ZNF385D: variants seen among roughly 807,000 people sequenced by gnomAD.
The protein encoded by ZNF385D is zinc finger protein 659.
Under a neutral mutation model 35.8 loss-of-function variants are expected in ZNF385D, and 15 were observed. The ratio of observed to expected loss-of-function variants is 0.42; its 90% CI spans 0.28 to 0.64. The LOEUF is 0.64. Ranked by LOEUF, ZNF385D falls within the 30% of genes least tolerant of loss-of-function variation. ZNF385D has a pLI of 0.23. For missense variants in ZNF385D, 474 were observed against 494.6 expected, an observed-to-expected ratio of 0.96 and a Z score of 0.39; for synonymous variants, 212 against 186.8, an observed-to-expected ratio of 1.13 and a Z score of -1.10.
chr3:22,283,468 C>T (rs1176239703), intron 2 of ZNF385D, among the ~76,000 whole-genome samples: 2 of 152,080 alleles, frequency 1.3e-5, no homozygotes, highest in African/African-American at 4.8e-5. Flanking sequence ...AGCAGATGTC[C>T]AATCAAGAAT....
intron 3 of ZNF385D, among the ~76,000 whole-genome samples, chr3:22,147,392 T>A (rs971277084): frequency 4.6e-5 from 7 of 152,160 alleles, no homozygotes; most frequent in Non-Finnish European, 1.0e-4. Flanking sequence ...GAATTGGCCA[T>A]AGCCCAAATC....
At chr3:21,490,323 G>T (rs537776952) in intron 4 of ZNF385D, among the ~76,000 whole-genome samples, 1 of 152,006 alleles carries the variant, frequency 6.6e-6, no homozygotes, top group Non-Finnish European at 1.5e-5. Flanking sequence ...GTGTCACCAC[G>T]TCTGGCTCTT....
At chr3:21,905,181 A>G (rs1699610040) in intron 3 of ZNF385D, among the ~76,000 whole-genome samples, 1 of 130,644 alleles carries the variant, frequency 7.7e-6, no homozygotes, top group Non-Finnish European at 1.6e-5. Flanking sequence ...CCAGAGTATC[A>G]TGGTGGTCCA....
Position 22,129,227 on chromosome 3 carries a change from G to A in ZNF385D, c.325+39590C>T, listed in dbSNP as rs992387349. The stretch of plus-strand genomic sequence containing the variant: ...CTCTGCTGAGCTACCTAGAGCTGGA[G>A]GAGTGGTGACACAAGCATTCCCATG... On this transcript the variant is annotated intron_variant, in intron 3 of 5. Coordinates refer to the ZNF385D transcript ENST00000494108. Among the ~76,000 whole-genome samples the A allele has an allele frequency of 4.6e-5, 7 of 152,280 alleles. 1 individual carries two copies. The highest frequency in any genetic ancestry group is 1.7e-4 in the African/African-American group (7 of 41,570).
At chr3:21,817,484 C>G (rs1388204055) in intron 3 of ZNF385D, among the ~76,000 whole-genome samples, 2 of 152,026 alleles carry the variant, frequency 1.3e-5, no homozygotes, top group African/African-American at 2.4e-5. Flanking sequence ...AACAAATTTA[C>G]AAGAAAAAAT....
intron 3 of ZNF385D, among the ~76,000 whole-genome samples, chr3:21,851,710 A>C (rs1314841912): frequency 6.6e-6 from 1 of 152,060 alleles, no homozygotes; most frequent in East Asian, 1.9e-4. Flanking sequence ...ATGACATACA[A>C]TTCAAAACCC....
exon 2 of ZNF385D, chr3:22,372,537 G>C: frequency 1.0e-6 from 1 of 985,864 alleles, no homozygotes; most frequent in Non-Finnish European, 1.2e-6. Context: ...GCGGCCGCCC[G>C]GCGCCCTGGC....
At chr3:21,755,170 G>A (rs2070285239), upstream of ZNF385D, among the ~76,000 whole-genome samples, 1 of 152,146 alleles carries the variant, frequency 6.6e-6, no homozygotes, top group South Asian at 2.1e-4. Context: ...CCTCGCCCTT[G>A]GCTTTAGTTT....
intron 3 of ZNF385D, among the ~76,000 whole-genome samples, chr3:22,025,540 T>A (rs1019987615): frequency 6.6e-6 from 1 of 152,082 alleles, no homozygotes; most frequent in African/African-American, 2.4e-5. Flanking sequence ...CAGGGTGAAT[T>A]TATCGATTTG....
At chr3:21,912,223 T>G (rs1699996819) in intron 3 of ZNF385D, among the ~76,000 whole-genome samples, 1 of 151,896 alleles carries the variant, frequency 6.6e-6, no homozygotes, top group Admixed American at 6.6e-5. Flanking sequence ...GCCCAGACCC[T>G]AAACTCGTTA....
At chr3:22,253,632 G>C (rs889684633) in intron 2 of ZNF385D, among the ~76,000 whole-genome samples, 1 of 151,858 alleles carries the variant, frequency 6.6e-6, no homozygotes, top group East Asian at 1.9e-4. Flanking sequence ...TTTTTTTCAG[G>C]TTTAATGCAA....
chr3:22,277,480 G>A (rs1701485688), intron 2 of ZNF385D, among the ~76,000 whole-genome samples: 1 of 151,954 alleles, frequency 6.6e-6, no homozygotes, highest in African/African-American at 2.4e-5. Context: ...GAAAGCAGCA[G>A]AAGAAAAAAG....
intron 3 of ZNF385D, among the ~76,000 whole-genome samples, chr3:22,143,158 C>G (rs1400533549): frequency 1.3e-5 from 2 of 150,838 alleles, no homozygotes; most frequent in Non-Finnish European, 2.9e-5. Context: ...TCTCCGCTCA[C>G]TCTAAGCTCC....
At chr3:22,134,450 T>A (rs939720694) in intron 3 of ZNF385D, 1 of 152,132 alleles carries the variant, frequency 6.6e-6, no homozygotes, top group African/African-American at 2.4e-5. Context: ...TCATTAAAAC[T>A]ACTAGACAGA....
chr3:21,908,142 C>A (rs1229540392), intron 3 of ZNF385D, among the ~76,000 whole-genome samples: 1 of 149,246 alleles, frequency 6.7e-6, no homozygotes, highest in Non-Finnish European at 1.5e-5. Flanking sequence ...ATCTATCTAT[C>A]TATCTATCTA....
intron 3 of ZNF385D, among the ~76,000 whole-genome samples, chr3:22,056,785 A>T (rs958240008): frequency 1.3e-5 from 2 of 152,226 alleles, no homozygotes; most frequent in African/African-American, 4.8e-5. Flanking sequence ...GAATCAGTTG[A>T]TCTCAGATTG....
Position 21,485,596 on chromosome 3 carries a change from T to G in ZNF385D, c.439+25265A>C, listed in dbSNP as rs1704968681. 1.3e-5 allele frequency among the ~76,000 whole-genome samples: 2 copies of G among 152,090 alleles called. 1 individual carries two copies. The highest frequency in any genetic ancestry group is 4.1e-4 in the South Asian group (2 of 4,828). ...AGATAACATCTCTTTGATTCCTCCT[T>G]TCACCATTTTTCCCATCTGTGAGGA... is the stretch of plus-strand genomic sequence containing the variant. On this transcript the variant is annotated intron_variant, in intron 4 of 7. Transcript: ENST00000281523.
At chr3:22,179,898 C>A in intron 2 of ZNF385D, among the ~76,000 whole-genome samples, 1 of 152,090 alleles carries the variant, frequency 6.6e-6, no homozygotes, top group Non-Finnish European at 1.5e-5. Context: ...AGAGCAAACA[C>A]ATTCAAAAGC....
At chr3:22,171,442 T>C (rs957812588) in intron 2 of ZNF385D, among the ~76,000 whole-genome samples, 3 of 152,166 alleles carry the variant, frequency 2.0e-5, no homozygotes, top group Admixed American at 6.5e-5. Flanking sequence ...ATAAAGACTA[T>C]ATTATCAGGC....
Sources: allele counts gnomAD v4.1 joint callset (sites outside exome capture counted in the v4.1 genomes callset), GRCh38; gene constraint gnomAD v4.1.1; transcripts MANE v1.5; gene names NCBI Gene and HGNC (gene_info 2026-07-23, HGNC 2026-07-21).